Variants in ALDH8A1 observed in about 807,000 individuals in gnomAD.
The protein encoded by ALDH8A1 is 2-aminomuconic semialdehyde dehydrogenase.
A neutral mutation model predicts 43.3 loss-of-function variants in ALDH8A1; 39 were observed. That is an observed-to-expected ratio of 0.90 (90% confidence interval 0.70 to 1.18). The LOEUF is 1.18. Among genes scored for constraint, ALDH8A1 ranks in the 50% most tolerant of loss-of-function variants. The probability of loss-of-function intolerance (pLI) is 0.00; values close to 1 mark genes in which losing one functional copy is unlikely to be tolerated. For missense variants in ALDH8A1, 605 were observed against 622.6 expected (o/e 0.97, Z 0.30); for synonymous variants, 233 against 243.5 (o/e 0.96, Z 0.40).
chr6:134,938,710 C>G (rs1379869428), intron 4 of ALDH8A1, among the ~76,000 whole-genome samples: 1 of 152,040 alleles, frequency 6.6e-6, no homozygotes, highest in Non-Finnish European at 1.5e-5. Flanking sequence ...TGCAGTGGTG[C>G]AATCTCGGCT....
intron 3 of ALDH8A1, 128 bp from the exon 4 acceptor site, chr6:134,939,543 C>A: frequency 9.0e-7 from 1 of 1,108,388 alleles, no homozygotes; most frequent in Non-Finnish European, 1.2e-6. Context: ...TAACTTCTTC[C>A]CAAGCTTTGC....
At position 134,923,102 on chromosome 6, in the gene ALDH8A1, T is replaced by A. The variant is rs1776831268; in HGVS notation, c.1012-4235A>T. 2.0e-5 allele frequency among the ~76,000 whole-genome samples: 3 copies of A among 152,170 alleles called. No homozygotes were observed. In the South Asian group the frequency reaches 6.2e-4, roughly 31 times the overall value. ...ATTCAGTGGCGTGATCTCAGCTCAC[T>A]GCAACCTTGACCTCCTGGGGTTCAG... is the stretch of plus-strand genomic sequence containing the variant. On this transcript the variant is annotated intron_variant, in intron 6 of 6. Transcript: ENST00000265605.
chr6:134,919,143 T>G (rs1377947675), intron 6 of ALDH8A1, among the ~76,000 whole-genome samples: 1 of 152,244 alleles, frequency 6.6e-6, no homozygotes, highest in Admixed American at 6.5e-5. Context: ...CACTCTCACT[T>G]GATTGTCTCA....
intron 6 of ALDH8A1, 73 bp from the exon 7 acceptor site, chr6:134,918,940 T>A: frequency 6.7e-7 from 1 of 1,485,282 alleles, no homozygotes; most frequent in East Asian, 2.3e-5. Flanking sequence ...AAATTCAATG[T>A]TTTCTAATCA....
intron 1 of ALDH8A1, among the ~76,000 whole-genome samples, chr6:134,946,820 G>T (rs1246747716): frequency 6.6e-6 from 1 of 152,166 alleles, no homozygotes; most frequent in Non-Finnish European, 1.5e-5. Context: ...GCACGCACAG[G>T]TGCACATGCC....
At chr6:134,934,603 T>C (rs1200604750) in intron 4 of ALDH8A1, among the ~76,000 whole-genome samples, 1 of 152,126 alleles carries the variant, frequency 6.6e-6, no homozygotes, top group African/African-American at 2.4e-5. Context: ...CTGCCATTTT[T>C]TGAGCACGTG....
At chr6:134,925,804 A>AAATGAGG (rs1477530205) in intron 6 of ALDH8A1, among the ~76,000 whole-genome samples, 5 of 152,172 alleles carry the variant, frequency 3.3e-5, no homozygotes, top group Non-Finnish European at 7.4e-5. Flanking sequence ...ACCACTGTAT[A>AAATGAGG]TAGGGTAGGC....
In ALDH8A1 at chr6:134,935,051, C is replaced by T. The variant is rs531941383; in HGVS notation, c.593-2019G>A. Among the ~76,000 whole-genome samples, 416 of 152,256 alleles carry T rather than the reference C, an allele frequency of 2.7e-3. 1 individual carries two copies. Among genetic ancestry groups the T allele is most frequent in the Middle Eastern group, 6.8e-3 (2 of 294 alleles). ...CTCTGCTCAGGATAAATTTCTGTTCCCTTTGCCCCTCCTCCAAGTACTTGT... is the reference window on the plus strand; with the variant it reads ...CTCTGCTCAGGATAAATTTCTGTTCTCTTTGCCCCTCCTCCAAGTACTTGT... On this transcript the variant is annotated intron_variant, in intron 4 of 6. Coordinates refer to ENST00000265605, the MANE Select transcript of ALDH8A1 (RefSeq NM_022568.4).
Position 134,918,864 on chromosome 6 carries a change from T to G in ALDH8A1, c.1015A>C (p.Arg339=). The G allele has an allele frequency of 6.2e-7, 1 of 1,612,074 alleles. No homozygotes were observed. The highest frequency in any genetic ancestry group is 8.5e-7 in the Non-Finnish European group (1 of 1,178,316). ...LISKAHLEKV[R]SYVKRALAEG... ...GCAAGAGCTCTCTTGACGTAACTTC[T>G]GACCTGCGTGGGTAAAAATCATAAT... The change falls in exon 7 of 7, where the codon AGA becomes CGA. Residue 339 remains arginine, a synonymous_variant. Transcript: ENST00000265605.
intron 6 of ALDH8A1, 51 bp from the exon 7 acceptor site, chr6:134,918,918 C>A: frequency 6.4e-7 from 1 of 1,559,128 alleles, no homozygotes. Flanking sequence ...TGGCTTCACA[C>A]AAATCAGCAG....
intron 4 of ALDH8A1, among the ~76,000 whole-genome samples, chr6:134,936,016 A>G (rs1169980146): frequency 6.6e-6 from 1 of 151,606 alleles, no homozygotes; most frequent in Admixed American, 6.6e-5. Context: ...CAAAGGCGCA[A>G]TCTCTGCTCT....
At chr6:134,918,991 G>A (rs1776754978) in intron 6 of ALDH8A1, 124 bp from the exon 7 acceptor site, 2 of 1,124,388 alleles carry the variant, frequency 1.8e-6, no homozygotes, top group African/African-American at 3.1e-5. Flanking sequence ...GAAATCTATG[G>A]TCGATTATCT....
intron 3 of ALDH8A1, 30 bp downstream of exon 3, chr6:134,942,379 G>T (rs532277046): frequency 6.4e-6 from 10 of 1,555,826 alleles, no homozygotes; most frequent in African/African-American, 1.4e-5. Flanking sequence ...AGCATAACCG[G>T]GAGGTGGGCT....
chr6:134,944,089 A>G (rs1773910204), intron 1 of ALDH8A1, 123 bp from the exon 2 acceptor site: 1 of 921,720 alleles, frequency 1.1e-6, no homozygotes, highest in East Asian at 3.1e-5. Context: ...TGTTTTTTAG[A>G]TGGATTCTCA....
At chr6:134,948,987 A>G (rs1170475869) in intron 1 of ALDH8A1, among the ~76,000 whole-genome samples, 1 of 152,200 alleles carries the variant, frequency 6.6e-6, no homozygotes, top group Non-Finnish European at 1.5e-5. Context: ...TGCAAACATT[A>G]ATCCCTAAGT....
rs1264593461 is a variant in ALDH8A1, at chr6:134,949,933, T to A, written c.121A>T (p.Asn41Tyr). 1 of 1,603,318 alleles carries A rather than the reference T, an allele frequency of 6.2e-7. No individual in the cohort carries two copies. Among genetic ancestry groups the A allele is most frequent in the Admixed American group, 1.7e-5 (1 of 58,908 alleles). Residue 41 changes from asparagine (N) to tyrosine (Y), a missense_variant, in exon 1 of 7, where the codon AAT (asparagine) becomes TAT (tyrosine). Asn to Tyr is a moderately radical substitution (Grantham distance 143, BLOSUM62 -2). Transcript: ENST00000265605. ...ATACTCACCTCGTCTTTTCCACTAT[T>A]TGGCACTCTGCAATACACTTCCCCT... The part of the protein sequence containing the change: ...STGEVYCRVP[N>Y]SGKDEIEAAV...
intron 4 of ALDH8A1, among the ~76,000 whole-genome samples, chr6:134,936,645 G>A (rs1187406263): frequency 6.6e-6 from 1 of 152,206 alleles, no homozygotes; most frequent in Non-Finnish European, 1.5e-5. Flanking sequence ...CGGAAGCACT[G>A]CATATTTATC....
intron 6 of ALDH8A1, among the ~76,000 whole-genome samples, chr6:134,920,985 A>T (rs1583021230): frequency 6.6e-6 from 1 of 152,180 alleles, no homozygotes; most frequent in East Asian, 1.9e-4. Flanking sequence ...TAGAATTAAC[A>T]CAGTCACTAA....
chr6:134,929,102 A>G lies in ALDH8A1; in HGVS notation c.963T>C (p.Asp321=), dbSNP rs368484988. 6.2e-7 allele frequency: 1 copy of G among 1,614,094 alleles called. No homozygotes were observed. The highest frequency in any genetic ancestry group is 8.5e-7 in the Non-Finnish European group (1 of 1,180,050). ...TCAGAGCACCTATGCTCACCAGTGG[A>G]TCAGAGGGAATGCCGACTTTCCACT... ...TRKWKVGIPS[D]PLVSIGALIS... is the part of the protein sequence containing the mutation. Residue 321 remains aspartate (D), a synonymous_variant, in exon 6 of 7, where the codon GAT becomes GAC. Coordinates refer to ENST00000265605, the MANE Select transcript of ALDH8A1 (RefSeq NM_022568.4).
Sources: allele counts gnomAD v4.1 joint callset (sites outside exome capture counted in the v4.1 genomes callset), GRCh38; gene constraint gnomAD v4.1.1; transcripts MANE v1.5; gene names NCBI Gene and HGNC (gene_info 2026-07-23, HGNC 2026-07-21).